Variants in PAK5 observed in about 807,000 individuals in gnomAD.
PAK5 encodes the protein serine/threonine-protein kinase PAK 5.
A neutral mutation model predicts 65.9 loss-of-function variants in PAK5; 16 were observed. That is an observed-to-expected ratio of 0.24 (90% CI 0.16 to 0.37). The LOEUF is 0.37. Ranked by LOEUF, PAK5 falls within the 10% of genes least tolerant of loss-of-function variation. The probability of loss-of-function intolerance (pLI) is 1.00; values close to 1 mark genes in which losing one functional copy is unlikely to be tolerated. For missense variants in PAK5, 785 were observed against 903.9 expected (o/e 0.87, Z 1.69); for synonymous variants, 371 against 354.9 (o/e 1.05, Z -0.51).
chr20:9,714,210 C>CA (rs2048113854), intron 1 of PAK5, among the ~76,000 whole-genome samples: 2 of 152,072 alleles, frequency 1.3e-5, no homozygotes, highest in Non-Finnish European at 2.9e-5. Context: ...ATTGCTCCTC[C>CA]AATTTTCAGA....
At chr20:9,561,350 C>T (rs919749407) in intron 6 of PAK5, among the ~76,000 whole-genome samples, 1 of 152,136 alleles carries the variant, frequency 6.6e-6, no homozygotes, top group African/African-American at 2.4e-5. Context: ...GGTTTCTCCC[C>T]TGAATATATT....
At chr20:9,814,543 G>A (rs1569098866) in intron 1 of PAK5, among the ~76,000 whole-genome samples, 1 of 152,172 alleles carries the variant, frequency 6.6e-6, no homozygotes, top group South Asian at 2.1e-4. Flanking sequence ...TCACAACACT[G>A]TTAACTATTA....
intron 1 of PAK5, among the ~76,000 whole-genome samples, chr20:9,790,243 G>A (rs1417576857): frequency 6.6e-6 from 1 of 152,128 alleles, no homozygotes; most frequent in Non-Finnish European, 1.5e-5. Flanking sequence ...CCTTATTGGT[G>A]CTGAAGACAC....
intron 2 of PAK5, among the ~76,000 whole-genome samples, chr20:9,707,867 G>C (rs1427729305): frequency 6.6e-6 from 1 of 152,156 alleles, no homozygotes; most frequent in African/African-American, 2.4e-5. Context: ...ACCTAGCTAA[G>C]ATCAGCCAAG....
intron 1 of PAK5, among the ~76,000 whole-genome samples, chr20:9,814,143 G>A (rs142937539): frequency 5.3e-5 from 8 of 152,040 alleles, no homozygotes; most frequent in African/African-American, 1.7e-4. Context: ...GCCAGGCAGA[G>A]AATGGTATGA....
intron 1 of PAK5, among the ~76,000 whole-genome samples, chr20:9,803,377 C>T (rs377187900): frequency 2.6e-5 from 4 of 152,120 alleles, no homozygotes; most frequent in African/African-American, 2.4e-5. Flanking sequence ...CACACATTTG[C>T]GAACTATAAA....
chr20:9,549,728 G>A (rs956782550), intron 7 of PAK5, among the ~76,000 whole-genome samples: 1 of 152,132 alleles, frequency 6.6e-6, no homozygotes, highest in Admixed American at 6.5e-5. Context: ...ACAGGTCATA[G>A]GTAAATACCT....
intron 1 of PAK5, among the ~76,000 whole-genome samples, chr20:9,751,958 CT>C (rs771027146): frequency 3.3e-5 from 5 of 152,224 alleles, no homozygotes; most frequent in Non-Finnish European, 5.9e-5. Context: ...CTGTGTTTTT[CT>C]TTTTTGTAAA....
At chr20:9,722,116 C>T (rs895229509) in intron 1 of PAK5, among the ~76,000 whole-genome samples, 15 of 152,074 alleles carry the variant, frequency 9.9e-5, no homozygotes, top group Non-Finnish European at 2.2e-4. Flanking sequence ...GAAGTTCATT[C>T]GAAGGGAAAC....
chr20:9,716,905 G>A (rs1480676750), intron 1 of PAK5, among the ~76,000 whole-genome samples: 4 of 151,904 alleles, frequency 2.6e-5, no homozygotes, highest in Admixed American at 6.6e-5. Flanking sequence ...GCAACATGGC[G>A]AAACCCCGTC....
intron 7 of PAK5, among the ~76,000 whole-genome samples, chr20:9,554,893 G>A (rs966416978): frequency 6.6e-6 from 1 of 152,102 alleles, no homozygotes; most frequent in African/African-American, 2.4e-5. Flanking sequence ...GGCAGCCACA[G>A]GGTCCAGTCC....
intron 3 of PAK5, among the ~76,000 whole-genome samples, chr20:9,597,753 TG>T (rs2046295841): frequency 6.6e-6 from 1 of 152,180 alleles, no homozygotes; most frequent in Non-Finnish European, 1.5e-5. Context: ...GGTTACCATG[TG>T]TACAAGTCTG....
intron 1 of PAK5, among the ~76,000 whole-genome samples, chr20:9,817,353 T>C (rs921358169): frequency 1.3e-5 from 2 of 152,152 alleles, no homozygotes; most frequent in South Asian, 2.1e-4. Flanking sequence ...TGTACATTCA[T>C]TGAGCACTAC....
rs80159693 is a variant in PAK5 at position 9,712,021 on chromosome 20, C to A, written c.-161-586G>T. ...GATTTATTAAGATGGAACTCACAAT[C>A]AACAGCACTGTAGCTTATGCCTCCA... On this transcript the variant is annotated intron_variant, in intron 1 of 9. Coordinates refer to ENST00000353224, the MANE Select transcript of PAK5 (RefSeq NM_177990.4). Among the ~76,000 whole-genome samples the A allele has an allele frequency of 9.4e-3, 1,434 of 152,270 alleles. 13 individuals carry two copies. The highest frequency in any genetic ancestry group is 0.044 in the Middle Eastern group (13 of 294).
chr20:9,622,275 A>G (rs1043586064), intron 3 of PAK5, among the ~76,000 whole-genome samples: 19 of 152,212 alleles, frequency 1.2e-4, no homozygotes, highest in African/African-American at 3.9e-4. Flanking sequence ...CCCTTTCAAT[A>G]TGGTACCCAC....
At chr20:9,765,974 A>T (rs1180183037) in intron 1 of PAK5, among the ~76,000 whole-genome samples, 1 of 152,176 alleles carries the variant, frequency 6.6e-6, no homozygotes, top group Non-Finnish European at 1.5e-5. Flanking sequence ...CTGTAATCCC[A>T]GCACTTTGGG....
chr20:9,737,608 T>C (rs937295236), intron 1 of PAK5, among the ~76,000 whole-genome samples: 6 of 152,168 alleles, frequency 3.9e-5, no homozygotes, highest in Non-Finnish European at 7.4e-5. Context: ...ATTGCAGTAG[T>C]AATTAGTAAT....
At chr20:9,613,072 A>G (rs935641630) in intron 3 of PAK5, among the ~76,000 whole-genome samples, 33 of 152,232 alleles carry the variant, frequency 2.2e-4, no homozygotes, top group African/African-American at 8.0e-4. Context: ...ACTCTGCCAC[A>G]GCACAGAAGT....
chr20:9,655,597 G>T (rs986869164), intron 2 of PAK5, among the ~76,000 whole-genome samples: 3 of 151,844 alleles, frequency 2.0e-5, no homozygotes, highest in African/African-American at 7.3e-5. Context: ...TTACGTTCTG[G>T]GGCTCTTAAA....
Sources: allele counts gnomAD v4.1 joint callset (sites outside exome capture counted in the v4.1 genomes callset), GRCh38; gene constraint gnomAD v4.1.1; transcripts MANE v1.5; gene names NCBI Gene and HGNC (gene_info 2026-07-23, HGNC 2026-07-21).